The following KATNA1 variants were observed in gnomAD, a reference collection of about 807,000 sequenced individuals.
The protein encoded by KATNA1 is katanin catalytic subunit A1, also known as katanin p60 ATPase-containing subunit A1.
In KATNA1, 42 loss-of-function variants were observed where a neutral mutation model predicts 62.6. That is an observed-to-expected ratio of 0.67 (90% CI 0.52 to 0.87). The LOEUF (loss-of-function observed/expected upper bound fraction) is 0.87, where lower values mean the gene tolerates loss of function less well. KATNA1 is among the 40% of genes least tolerant of loss of function. The probability of loss-of-function intolerance (pLI) is 0.00; values close to 1 mark genes in which losing one functional copy is unlikely to be tolerated. For missense variants in KATNA1, 498 were observed against 612.5 expected, an observed-to-expected ratio of 0.81 and a Z score of 1.97; for synonymous variants, 186 against 201.9, an observed-to-expected ratio of 0.92 and a Z score of 0.67.
At chr6:149,606,704 T>C (rs1193505069) in intron 4 of KATNA1, among the ~76,000 whole-genome samples, 3 of 151,622 alleles carry the variant, frequency 2.0e-5, no homozygotes, top group Non-Finnish European at 4.4e-5. Flanking sequence ...CTGCAACCTC[T>C]GCTTCCCCGG....
intron 3 of KATNA1, among the ~76,000 whole-genome samples, chr6:149,628,158 C>T (rs561127115): frequency 1.3e-5 from 2 of 150,822 alleles, no homozygotes; most frequent in East Asian, 2.0e-4. Flanking sequence ...AGTGCAGTGG[C>T]GCCATCTCGG....
At chr6:149,625,660 G>A (rs1334181057) in intron 3 of KATNA1, among the ~76,000 whole-genome samples, 6 of 151,638 alleles carry the variant, frequency 4.0e-5, no homozygotes, top group Admixed American at 3.3e-4. Context: ...TAGGCTGGGT[G>A]CGGTGGCTCA....
At chr6:149,631,166 A>C (rs1779816700) in intron 3 of KATNA1, among the ~76,000 whole-genome samples, 1 of 152,124 alleles carries the variant, frequency 6.6e-6, no homozygotes, top group African/African-American at 2.4e-5. Context: ...TTAGGAGGCC[A>C]AGGTGGGTGA....
intron 4 of KATNA1, among the ~76,000 whole-genome samples, chr6:149,618,488 T>TA (rs908399284): frequency 8.0e-5 from 12 of 149,728 alleles, no homozygotes; most frequent in Non-Finnish European, 1.5e-4. Context: ...AAAAAAAAAA[T>TA]AAAAAAAAGA....
At chr6:149,612,565 A>G (rs1779003103) in intron 4 of KATNA1, among the ~76,000 whole-genome samples, 1 of 152,234 alleles carries the variant, frequency 6.6e-6, no homozygotes, top group Non-Finnish European at 1.5e-5. Flanking sequence ...TCCAGAGCAC[A>G]GAAGGAAAAT....
chr6:149,616,193 A>T (rs1779161339), intron 4 of KATNA1, among the ~76,000 whole-genome samples: 2 of 152,210 alleles, frequency 1.3e-5, no homozygotes, highest in African/African-American at 4.8e-5. Context: ...TGCACCGTAC[A>T]CTTAAAAACC....
At chr6:149,645,269 C>T (rs1780439835) in intron 1 of KATNA1, among the ~76,000 whole-genome samples, 1 of 151,896 alleles carries the variant, frequency 6.6e-6, no homozygotes, top group Admixed American at 6.6e-5. Flanking sequence ...CAGTGAAACC[C>T]CATCTCTACT....
chr6:149,619,804 T>C (rs1779322312), intron 4 of KATNA1, among the ~76,000 whole-genome samples: 1 of 152,148 alleles, frequency 6.6e-6, no homozygotes, highest in African/African-American at 2.4e-5. Flanking sequence ...CCTTTGGATA[T>C]ACCCAGAATC....
intron 7 of KATNA1, among the ~76,000 whole-genome samples, chr6:149,599,059 CTTA>C (rs1018711180): frequency 2.0e-4 from 31 of 151,712 alleles, no homozygotes; most frequent in Non-Finnish European, 4.3e-4. Flanking sequence ...GAGATGGTGT[CTTA>C]TTATGTTGCC....
At chr6:149,637,417 A>G (rs912912592) in intron 2 of KATNA1, among the ~76,000 whole-genome samples, 1 of 152,182 alleles carries the variant, frequency 6.6e-6, no homozygotes, top group Non-Finnish European at 1.5e-5. Context: ...AGTTTTTTAA[A>G]AAATATGGTA....
chr6:149,636,467 A>G (rs1780067507), intron 2 of KATNA1, among the ~76,000 whole-genome samples: 1 of 117,332 alleles, frequency 8.5e-6, no homozygotes, highest in African/African-American at 3.5e-5. Flanking sequence ...TGGTAATTAC[A>G]TGGATATGGT....
chr6:149,610,036 T>C (rs1373243337), intron 4 of KATNA1, among the ~76,000 whole-genome samples: 1 of 148,258 alleles, frequency 6.7e-6, no homozygotes, highest in Non-Finnish European at 1.5e-5. Flanking sequence ...GAGGTGAAGG[T>C]TGTGGTGAGC....
chr6:149,635,465 G>C (rs1250146370), intron 2 of KATNA1, among the ~76,000 whole-genome samples: 2 of 152,224 alleles, frequency 1.3e-5, no homozygotes, highest in Non-Finnish European at 2.9e-5. Context: ...CAGTACTTTG[G>C]GAGGCTGAGG....
intron 3 of KATNA1, among the ~76,000 whole-genome samples, chr6:149,626,326 G>C (rs1327102754): frequency 2.2e-5 from 2 of 91,568 alleles, no homozygotes; most frequent in Non-Finnish European, 3.8e-5. Context: ...ACGGAGTCTC[G>C]TTCTGTCGCC....
At chr6:149,640,524 G>T (rs549986444) in intron 1 of KATNA1, among the ~76,000 whole-genome samples, 1 of 151,788 alleles carries the variant, frequency 6.6e-6, no homozygotes, top group African/African-American at 2.4e-5. Context: ...TAAGTATGGT[G>T]GGGGTTTTTT....
intron 1 of KATNA1, among the ~76,000 whole-genome samples, chr6:149,646,458 G>C (rs1170903608): frequency 6.6e-6 from 1 of 152,096 alleles, no homozygotes; most frequent in Non-Finnish European, 1.5e-5. Context: ...CCATACATTG[G>C]TAAGTAATTT....
intron 4 of KATNA1, among the ~76,000 whole-genome samples, chr6:149,619,882 C>G (rs1000649610): frequency 6.6e-6 from 1 of 152,148 alleles, no homozygotes; most frequent in African/African-American, 2.4e-5. Flanking sequence ...ATTATAAACA[C>G]TATTCACAAT....
At position 149,630,296 on chromosome 6, in the gene KATNA1, C is replaced by T. The variant is rs557578454; in HGVS notation, c.320+2463G>A. Among the ~76,000 whole-genome samples, 45 of 152,324 alleles carry T rather than the reference C, an allele frequency of 3.0e-4. No homozygotes were observed. In the South Asian group the frequency reaches 8.7e-3, roughly 29 times the overall value. ...TCCAAAGGATATCAGGAGTCAGTAA[C>T]AGAACATTAGTACAGTCCTTTTATG... is the stretch of plus-strand genomic sequence containing the variant. On this transcript the variant is annotated intron_variant, in intron 3 of 10. Transcript: ENST00000367411.
At chr6:149,603,531 A>G (rs73781279) in intron 5 of KATNA1, among the ~76,000 whole-genome samples, 158 bp from the exon 6 acceptor site, 1 of 152,162 alleles carries the variant, frequency 6.6e-6, no homozygotes, top group Admixed American at 6.5e-5. Context: ...GAGGCCCACC[A>G]TGTCAACCAG....
Sources: allele counts gnomAD v4.1 joint callset (sites outside exome capture counted in the v4.1 genomes callset), GRCh38; gene constraint gnomAD v4.1.1; transcripts MANE v1.5; gene names NCBI Gene and HGNC (gene_info 2026-07-23, HGNC 2026-07-21).